Variants in SP2 observed in about 807,000 individuals in gnomAD.
The protein encoded by SP2 is transcription factor Sp2.
In SP2, 9 loss-of-function variants were observed where a neutral mutation model predicts 50.1. The ratio of observed to expected loss-of-function variants is 0.18; its 90% confidence interval spans 0.11 to 0.31. The LOEUF is 0.31. Among genes scored for constraint, SP2 ranks in the 10% least tolerant of loss-of-function variants. The probability of loss-of-function intolerance (pLI) is 1.00; values close to 1 mark genes in which losing one functional copy is unlikely to be tolerated. For missense variants in SP2, 581 were observed against 806.5 expected (o/e 0.72, Z 3.39); for synonymous variants, 313 against 326.6 (o/e 0.96, Z 0.45).
downstream of SP2, among the ~76,000 whole-genome samples, chr17:47,930,524 C>T (rs2035797054): frequency 6.6e-6 from 1 of 152,202 alleles, no homozygotes. Flanking sequence ...TCATCTCTGC[C>T]TCCCTTGGGA....
chr17:47,929,130 A>T (rs2035765176), downstream of SP2, among the ~76,000 whole-genome samples: 2 of 152,148 alleles, frequency 1.3e-5, no homozygotes, highest in African/African-American at 4.8e-5. Context: ...GGCCACATAT[A>T]CCTCATGACA....
At chr17:47,906,556 C>T (rs2034769223) in intron 1 of SP2, among the ~76,000 whole-genome samples, 1 of 152,144 alleles carries the variant, frequency 6.6e-6, no homozygotes, top group African/African-American at 2.4e-5. Context: ...ATGCCTGTTA[C>T]ATAATGGCTC....
intron 3 of SP2, among the ~76,000 whole-genome samples, chr17:47,922,122 T>G (rs2035482052): frequency 6.6e-6 from 1 of 152,138 alleles, no homozygotes; most frequent in Admixed American, 6.5e-5. Context: ...GTGAGAGCCC[T>G]CACTCCTATT....
In SP2 at chr17:47,916,578, C is replaced by T. The variant is rs758027226; in HGVS notation, c.507C>T (p.Pro169=). 7.4e-6 allele frequency: 12 copies of T among 1,614,166 alleles called. No homozygotes were observed. The East Asian group carries it at 2.5e-4, about 33-fold the overall frequency. ...GCACCAACCAAGCCATCATCACCCC[C>T]TCACCGTCCAGTCACAAGCCTGTCC... ...IPGTNQAIIT[P]SPSSHKPVPI... is the part of the protein sequence containing the mutation. The change falls in exon 3 of 7, where the codon CCC becomes CCT. Residue 169 remains proline, a synonymous_variant. Transcript: ENST00000376741. The surrounding 1 kb of genome is among the most constrained non-coding windows in gnomAD (Gnocchi z 4.7).
intron 1 of SP2, among the ~76,000 whole-genome samples, chr17:47,896,583 C>G (rs558635703): frequency 1.3e-5 from 2 of 152,140 alleles, no homozygotes; most frequent in African/African-American, 2.4e-5. Flanking sequence ...GAGCGGGCAC[C>G]GGGGTGGCCT....
At chr17:47,904,565 G>A (rs1273076656) in intron 1 of SP2, among the ~76,000 whole-genome samples, 2 of 151,968 alleles carry the variant, frequency 1.3e-5, no homozygotes, top group South Asian at 2.1e-4. Flanking sequence ...CTGAGATGGC[G>A]GAGTGGGGGG....
chr17:47,928,058 A>C lies in SP2; in HGVS notation c.*234A>C. The C allele has an allele frequency of 2.0e-6, 1 of 510,264 alleles. No individual in the cohort carries two copies. Among genetic ancestry groups the C allele is most frequent in the Non-Finnish European group, 3.5e-6 (1 of 282,240 alleles). 31.6% of individuals were successfully genotyped at this position (510,264 alleles called of 1,614,324 possible). A position where few individuals can be genotyped will look rare whatever the true frequency, so the allele number is the denominator to read the frequency against. The stretch of plus-strand genomic sequence containing the variant: ...AGCTCCCGGCCTGCCCAGACTGTGG[A>C]CACTGGCCGTGCCCAATGAGACGTT... On this transcript the variant is annotated 3_prime_UTR_variant, in exon 7 of 7. Coordinates refer to ENST00000376741, the MANE Select transcript of SP2 (RefSeq NM_003110.6).
At chr17:47,922,491 C>CTT (rs987657572) in intron 3 of SP2, among the ~76,000 whole-genome samples, 2 of 138,866 alleles carry the variant, frequency 1.4e-5, no homozygotes, top group Admixed American at 7.2e-5. Flanking sequence ...ATATGTGGCT[C>CTT]TTTTTTTTTT....
intron 1 of SP2, among the ~76,000 whole-genome samples, chr17:47,903,320 G>A (rs1466972680): frequency 6.6e-6 from 1 of 152,204 alleles, no homozygotes; most frequent in South Asian, 2.1e-4. Context: ...TATGGGAGAA[G>A]TTAGCCAGAG....
At chr17:47,897,041 C>T (rs958119317) in intron 1 of SP2, among the ~76,000 whole-genome samples, 2 of 152,236 alleles carry the variant, frequency 1.3e-5, no homozygotes, top group African/African-American at 4.8e-5. Flanking sequence ...GAGCTCCCAG[C>T]CTGTTACTTG....
chr17:47,930,443 G>A (rs1040655620), downstream of SP2, among the ~76,000 whole-genome samples: 1 of 152,196 alleles, frequency 6.6e-6, no homozygotes, highest in African/African-American at 2.4e-5. Context: ...GCCCCAAGTT[G>A]GGCAGGATGA....
rs984236368 is a variant in SP2 at position 47,917,067 on chromosome 17, C to T, written c.996C>T (p.Pro332=). ...TGCAGGCGGCATCTGCCACCCTCCCCACTGTACCCCAGAAGCCCTCCCAGA... is the reference window on the plus strand; with the variant it reads ...TGCAGGCGGCATCTGCCACCCTCCCTACTGTACCCCAGAAGCCCTCCCAGA... ...RVVQAASATL[P]TVPQKPSQNF... The change falls in exon 3 of 7, where the codon CCC becomes CCT. Residue 332 remains proline, a synonymous_variant. Coordinates refer to ENST00000376741, the MANE Select transcript of SP2 (RefSeq NM_003110.6). 4 of 1,613,528 alleles carry T rather than the reference C, an allele frequency of 2.5e-6. No homozygotes were observed. The highest frequency in any genetic ancestry group is 3.4e-6 in the Non-Finnish European group (4 of 1,179,936).
chr17:47,896,382 G>T (rs2034329587), intron 1 of SP2, 89 bp downstream of exon 1: 2 of 1,110,018 alleles, frequency 1.8e-6, no homozygotes, highest in South Asian at 9.1e-5. Context: ...AGCCGAGGCC[G>T]GGGGTTCCCC....
chr17:47,925,609 C>A, intron 6 of SP2, 68 bp downstream of exon 6: 1 of 1,295,698 alleles, frequency 7.7e-7, no homozygotes, highest in Non-Finnish European at 1.1e-6. Context: ...CCCACCCCCA[C>A]TCTACCGGCT....
rs1598172104 is a variant in SP2, at chr17:47,925,608, A to C, written c.1741+67A>C. The stretch of plus-strand genomic sequence containing the variant: ...AATTCCTGCCTCTCCTCCCACCCCC[A>C]CTCTACCGGCTTTAGCAACATTGAC... On this transcript the variant is annotated intron_variant, in intron 6 of 6. Transcript: ENST00000376741. 9 of 1,300,722 alleles carry C rather than the reference A, an allele frequency of 6.9e-6. No individual in the cohort carries two copies. In the South Asian group the frequency reaches 1.0e-4, roughly 15 times the overall value. The allele number at this position is 1,300,722 out of a possible 1,614,324, so 80.6% of individuals were successfully genotyped here.
At chr17:47,921,883 G>T (rs2035471532) in intron 3 of SP2, among the ~76,000 whole-genome samples, 1 of 152,162 alleles carries the variant, frequency 6.6e-6, no homozygotes, top group Non-Finnish European at 1.5e-5. Context: ...CAGCTAGGAA[G>T]TATATATAAA....
intron 1 of SP2, among the ~76,000 whole-genome samples, chr17:47,905,658 G>A (rs565932581): frequency 3.3e-5 from 5 of 152,160 alleles, no homozygotes; most frequent in African/African-American, 4.8e-5. Context: ...TTCCTGTTAC[G>A]TGCTCTCCCC....
In SP2 at chr17:47,923,247, G is replaced by A. The variant is rs1348729820; in HGVS notation, c.1345G>A (p.Val449Met). ...CATCAATGGTGTCCAGGTCCAGGGC[G>A]TGCCTGTCACCATCACCAACACAGG... The part of the protein sequence containing the change: ...ININGVQVQG[V>M]PVTITNTGGQ... The change falls in exon 4 of 7, where the codon GTG (valine) becomes ATG (methionine). Residue 449 changes from valine to methionine, a missense_variant. This residue lies in a region of SP2 where 184 missense variants were observed against 315.5 expected (regional missense o/e 0.58). Coordinates refer to ENST00000376741, the MANE Select transcript of SP2 (RefSeq NM_003110.6). 16 of 1,606,168 alleles carry A rather than the reference G, an allele frequency of 1.0e-5. No homozygotes were observed. Among genetic ancestry groups the A allele is most frequent in the East Asian group, 2.2e-5 (1 of 44,874 alleles).
intron 1 of SP2, among the ~76,000 whole-genome samples, chr17:47,911,694 A>G (rs747629542): frequency 4.0e-5 from 6 of 151,866 alleles, no homozygotes; most frequent in African/African-American, 1.2e-4. Context: ...TAGTCCCACT[A>G]CTTGGGAGGC....
Sources: gnomAD v4.1 joint callset for allele counts (sites outside exome capture counted in the v4.1 genomes callset) on GRCh38, gnomAD v4.1.1 for gene constraint, gnomAD v4.1.1 regional missense constraint, Gnocchi (gnomAD v3.1) non-coding constraint, MANE v1.5 for transcripts, NCBI Gene and HGNC (gene_info 2026-07-23, HGNC 2026-07-21) for gene names.